Variants in ZNF654 observed in about 807,000 individuals in gnomAD.
The protein encoded by ZNF654 is melanoma-associated antigen.
In ZNF654, 19 loss-of-function variants were observed where a neutral mutation model predicts 95.3. That is an observed-to-expected ratio of 0.20 (90% CI 0.14 to 0.29). The LOEUF (loss-of-function observed/expected upper bound fraction) is 0.29, where lower values mean the gene tolerates loss of function less well. Ranked by LOEUF, ZNF654 falls within the 10% of genes least tolerant of loss-of-function variation. The probability of loss-of-function intolerance (pLI) is 1.00; values close to 1 mark genes in which losing one functional copy is unlikely to be tolerated. For synonymous variants in ZNF654, 413 were observed against 457.9 expected, an observed-to-expected ratio of 0.90 and a Z score of 1.25; for missense variants, 1,046 against 1,341.0, an observed-to-expected ratio of 0.78 and a Z score of 3.44.
chr3:88,138,308 A>G (rs1205538966), intron 7 of ZNF654, among the ~76,000 whole-genome samples: 1 of 152,118 alleles, frequency 6.6e-6, no homozygotes, highest in Non-Finnish European at 1.5e-5. Flanking sequence ...AAAATTGATA[A>G]ATCTGTTAAA....
intron 2 of ZNF654, among the ~76,000 whole-genome samples, chr3:88,107,697 AT>A (rs1424827408): frequency 2.0e-5 from 3 of 151,820 alleles, no homozygotes; most frequent in African/African-American, 7.3e-5. Context: ...ACTCTGGATA[AT>A]TTTTCAGATT....
chr3:88,095,920 C>T (rs9310074), intron 2 of ZNF654: 317,726 of 399,072 alleles, frequency 0.8, 131,688 homozygotes, highest in South Asian at 0.9. Flanking sequence ...ACAGTCTACT[C>T]CTCTTCATTC....
rs544112347 is a variant in ZNF654, at chr3:88,125,244, A to C, written c.415-890A>C. Among the ~76,000 whole-genome samples the C allele has an allele frequency of 1.3e-3, 198 of 151,900 alleles. 1 individual carries two copies. The highest frequency in any genetic ancestry group is 6.8e-3 in the Middle Eastern group (2 of 294). ...AAAAAAAACAAAAAAACAAAAAAAAACCAATATCTAATAAAGTATGTAATG... is the reference window on the plus strand; with the variant it reads ...AAAAAAAACAAAAAAACAAAAAAAACCCAATATCTAATAAAGTATGTAATG... On this transcript the variant is annotated intron_variant, in intron 3 of 8. Transcript: ENST00000636215.
intron 3 of ZNF654, among the ~76,000 whole-genome samples, chr3:88,113,687 C>CATTTG (rs1423308355): frequency 6.6e-6 from 1 of 152,080 alleles, no homozygotes; most frequent in Non-Finnish European, 1.5e-5. Context: ...AGATGAAAGA[C>CATTTG]ATTTGATCTT....
intron 3 of ZNF654, among the ~76,000 whole-genome samples, chr3:88,123,248 C>G (rs1383613351): frequency 6.6e-6 from 1 of 152,008 alleles, no homozygotes; most frequent in Non-Finnish European, 1.5e-5. Flanking sequence ...AAAATGAAAT[C>G]TTTATTTCAT....
intron 1 of ZNF654, among the ~76,000 whole-genome samples, chr3:88,061,330 C>T (rs536624119): frequency 6.6e-6 from 1 of 152,118 alleles, no homozygotes; most frequent in East Asian, 1.9e-4. Flanking sequence ...AGTGACAGTA[C>T]AATATTTTAA....
intron 1 of ZNF654, among the ~76,000 whole-genome samples, chr3:88,080,616 C>G (rs1160565136): frequency 1.3e-5 from 2 of 151,872 alleles, no homozygotes; most frequent in Non-Finnish European, 2.9e-5. Flanking sequence ...AGCCTATACT[C>G]TTTCCATTCT....
At chr3:88,071,982 ACTTTTT>A (rs1278833902) in intron 1 of ZNF654, among the ~76,000 whole-genome samples, 2 of 152,168 alleles carry the variant, frequency 1.3e-5, no homozygotes, top group Non-Finnish European at 1.5e-5. Flanking sequence ...AACAGTACAT[ACTTTTT>A]CTTACTATCA....
At chr3:88,079,644 C>G (rs1347402805) in intron 1 of ZNF654, among the ~76,000 whole-genome samples, 1 of 151,888 alleles carries the variant, frequency 6.6e-6, no homozygotes, top group African/African-American at 2.4e-5. Flanking sequence ...TATTTTTGCT[C>G]TGGTTGGTAG....
intron 1 of ZNF654, 139 bp from the exon 2 acceptor site, chr3:88,086,118 A>T (rs2107661412): frequency 1.5e-6 from 1 of 653,934 alleles, no homozygotes; most frequent in East Asian, 2.7e-5. Context: ...AATAAACAGT[A>T]TAGAAGATCC....
At chr3:88,102,271 A>C (rs2107721757) in intron 2 of ZNF654, among the ~76,000 whole-genome samples, 1 of 152,264 alleles carries the variant, frequency 6.6e-6, no homozygotes, top group South Asian at 2.1e-4. Context: ...TTTAGAAACC[A>C]CTATTGTGTT....
Position 88,126,870 on chromosome 3 carries a change from A to C in ZNF654, c.550+601A>C, listed in dbSNP as rs115000467. ...CAGTATTTCCCAAACTTCATGCATT[A>C]GAAGTTTTGTCTTATACCCTTACTA... is the stretch of plus-strand genomic sequence containing the variant. On this transcript the variant is annotated intron_variant, in intron 4 of 8. Coordinates refer to ENST00000636215, the MANE Select transcript of ZNF654 (RefSeq NM_001350134.2). Among the ~76,000 whole-genome samples, 1,367 of 152,314 alleles carry C rather than the reference A, an allele frequency of 9.0e-3. 21 individuals are homozygous for C. The highest frequency in any genetic ancestry group is 0.031 in the African/African-American group (1,300 of 41,572).
intron 7 of ZNF654, 59 bp downstream of exon 7, chr3:88,135,261 G>C: frequency 7.8e-7 from 1 of 1,280,362 alleles, no homozygotes; most frequent in Non-Finnish European, 1.0e-6. Flanking sequence ...ACTGAAACTT[G>C]AATCTCTTTT....
intron 1 of ZNF654, among the ~76,000 whole-genome samples, chr3:88,066,974 G>C (rs1707237712): frequency 6.6e-6 from 1 of 152,054 alleles, no homozygotes; most frequent in Non-Finnish European, 1.5e-5. Flanking sequence ...CTAAATTTGG[G>C]AGGAGGTTGA....
Position 88,113,187 on chromosome 3 carries a change from A to G in ZNF654, c.405A>G (p.Gly135=), listed in dbSNP as rs1559718624. The G allele has an allele frequency of 1.3e-6, 2 of 1,532,588 alleles. No individual in the cohort carries two copies. The highest frequency in any genetic ancestry group is 1.7e-6 in the Non-Finnish European group (2 of 1,144,646). The allele number at this position is 1,532,588 out of a possible 1,614,324, so 94.9% of individuals were successfully genotyped here. A position where few individuals can be genotyped will look rare whatever the true frequency, so the allele number is the denominator to read the frequency against. ...FYEEPLKDIL[G]SFQECQNHLR... ...AAGAGCCCTTAAAGGATATTCTTGG[A>G]TCATTCCAGGTAAAAAACAGTTTAC... The change falls in exon 3 of 9, where the codon GGA becomes GGG. Residue 135 remains glycine (G), a synonymous_variant. Transcript: ENST00000636215.
At chr3:88,088,761 T>TATGG (rs931246026) in intron 2 of ZNF654, among the ~76,000 whole-genome samples, 1,708 of 126,458 alleles carry the variant, frequency 0.014, 27 homozygotes, top group South Asian at 0.035. Flanking sequence ...TGTATGTATG[T>TATGG]ATGGATGGAT....
chr3:88,129,760 T>C lies in ZNF654; in HGVS notation c.827T>C (p.Leu276Ser). 1 of 1,529,336 alleles carries C rather than the reference T, an allele frequency of 6.5e-7. No individual in the cohort carries two copies. Among genetic ancestry groups the C allele is most frequent in the Non-Finnish European group, 8.8e-7 (1 of 1,142,274 alleles). The allele number at this position is 1,529,336 out of a possible 1,614,324, so 94.7% of individuals were successfully genotyped here. A position where few individuals can be genotyped will look rare whatever the true frequency, so the allele number is the denominator to read the frequency against. The change falls in exon 6 of 9, where the codon TTA becomes TCA. Residue 276 changes from leucine (L) to serine (S), a missense_variant. By Grantham distance (145) the Leu-to-Ser change is moderately radical (BLOSUM62 -2). Around this residue, in one of 9 missense-constraint regions of ZNF654, gnomAD observed 121 missense variants for 141.7 expected, o/e 0.85. Coordinates refer to ENST00000636215, the MANE Select transcript of ZNF654 (RefSeq NM_001350134.2). The part of the protein sequence containing the change: ...CNAEKEGKTM[L>S]ALQLCESFLI... ...GCTGAAAAAGAAGGCAAAACTATGT[T>C]AGCCTTGCAACTCTGTGAATCCTTT...
intron 2 of ZNF654, among the ~76,000 whole-genome samples, chr3:88,107,926 C>G: frequency 6.6e-6 from 1 of 151,928 alleles, no homozygotes. Context: ...GACTAACGTT[C>G]TTTTGGCCTT....
chr3:88,095,613 G>T, intron 2 of ZNF654: 1 of 517,888 alleles, frequency 1.9e-6, no homozygotes, highest in South Asian at 1.4e-5. Context: ...GATCTTTTCT[G>T]GTTCTAGTCT....
Sources: gnomAD v4.1 joint callset for allele counts (sites outside exome capture counted in the v4.1 genomes callset) on GRCh38, gnomAD v4.1.1 for gene constraint, gnomAD v4.1.1 regional missense constraint, MANE v1.5 for transcripts, NCBI Gene and HGNC (gene_info 2026-07-23, HGNC 2026-07-21) for gene names.